The following METTL25B variants were observed in gnomAD, a reference collection of about 807,000 sequenced individuals.
METTL25B encodes the protein methyltransferase-like protein 25B.
Under a neutral mutation model 48.4 loss-of-function variants are expected in METTL25B, and 38 were observed. The ratio of observed to expected loss-of-function variants is 0.78; its 90% CI spans 0.61 to 1.03. The LOEUF (loss-of-function observed/expected upper bound fraction) is 1.03, where lower values mean the gene tolerates loss of function less well. METTL25B is among the 50% of genes least tolerant of loss of function. The pLI is 0.00. For synonymous variants in METTL25B, 230 were observed against 254.5 expected (o/e 0.90, Z 0.92); for missense variants, 537 against 603.7 (o/e 0.89, Z 1.16).
At chr1:156,729,803 G>A (rs1012100388) in intron 1 of METTL25B, among the ~76,000 whole-genome samples, 1 of 152,132 alleles carries the variant, frequency 6.6e-6, no homozygotes, top group Admixed American at 6.5e-5. Context: ...GGTTTCCTCA[G>A]CTATACAATG....
rs540443756 is a variant in METTL25B at position 156,735,831 on chromosome 1, T to C, written c.1228T>C (p.Phe410Leu). ...CCAGGAGAACCGTGTGGTGGCCTTC[T>C]TCAGCCTGGCTCTACTGCTTGCCCC... ...VAQENRVVAF[F>L]SLALLLAPLV... is the part of the protein sequence containing the mutation. Residue 410 changes from phenylalanine (F) to leucine (L), a missense_variant, in exon 7 of 8, where the codon TTC (phenylalanine) becomes CTC (leucine). By Grantham distance (22) the Phe-to-Leu change is conservative. Coordinates refer to ENST00000368216, the MANE Select transcript of METTL25B (RefSeq NM_015997.4). The C allele has an allele frequency of 3.3e-5, 53 of 1,613,142 alleles. No individual in the cohort carries two copies. In the Middle Eastern group the frequency reaches 6.6e-4, roughly 20 times the overall value.
At chr1:156,729,236 G>A in intron 1 of METTL25B, 21 bp downstream of exon 1, 1 of 1,485,060 alleles carries the variant, frequency 6.7e-7, no homozygotes, top group Non-Finnish European at 9.4e-7. Flanking sequence ...AGGGGCGTGG[G>A]TGGGATGTCT....
In METTL25B at chr1:156,735,727, A is replaced by C. The variant is rs754852845; in HGVS notation, c.1124A>C (p.Tyr375Ser). The C allele has an allele frequency of 3.7e-6, 6 of 1,605,864 alleles. No individual in the cohort carries two copies. The East Asian group carries it at 9.0e-5, about 24-fold the overall frequency. ...PRVHELKIEEYVQRGLQRVGL... is the reference protein window; with the variant it reads ...PRVHELKIEESVQRGLQRVGL... The stretch of plus-strand genomic sequence containing the variant: ...GCTGAATGTGACTGATCCCACAGAT[A>C]TGTGCAGCGGGGGCTACAGCGAGTG... The change falls in exon 7 of 8, where the codon TAT becomes TCT. Residue 375 changes from tyrosine (Y) to serine (S), a missense_variant and splice_region_variant. Coordinates refer to ENST00000368216, the MANE Select transcript of METTL25B (RefSeq NM_015997.4).
intron 3 of METTL25B, 95 bp from the exon 4 acceptor site, chr1:156,732,890 C>A: frequency 2.8e-6 from 3 of 1,075,050 alleles, no homozygotes; most frequent in South Asian, 1.4e-5. Flanking sequence ...GTCCATCTTT[C>A]TCTGTCATCT....
rs570075674 is a variant in METTL25B, at chr1:156,731,177, G to A, written c.112-814G>A. On this transcript the variant is annotated intron_variant, in intron 1 of 7. Transcript: ENST00000368216. Reference sequence around the variant, plus strand: ...TTTGCTCTGCTGCCCAGGCTGGAGTGCAGTGGCACAATCTAGGCTCACTGC... The same window carrying A: ...TTTGCTCTGCTGCCCAGGCTGGAGTACAGTGGCACAATCTAGGCTCACTGC... Among the ~76,000 whole-genome samples, 6 of 152,332 alleles carry A rather than the reference G, an allele frequency of 3.9e-5. No homozygotes were observed. In the South Asian group the frequency reaches 1.0e-3, roughly 26 times the overall value.
At position 156,734,325 on chromosome 1, in the gene METTL25B, C is replaced by A. The variant is rs773969284; in HGVS notation, c.953C>A (p.Ala318Asp). Reference sequence around the variant, plus strand: ...CTGCCCTACCGGCTTCGGGAGGGGGCCTGCCATGCCCTGGAGGAATATGCT... The same window carrying A: ...CTGCCCTACCGGCTTCGGGAGGGGGACTGCCATGCCCTGGAGGAATATGCT... ...YELPYRLREG[A>D]CHALEEYAER... Residue 318 changes from alanine (A) to aspartate (D), a missense_variant, in exon 6 of 8, where the codon GCC (alanine) becomes GAC (aspartate). Transcript: ENST00000368216. 6.2e-7 allele frequency: 1 copy of A among 1,614,022 alleles called. No homozygotes were observed. Among genetic ancestry groups the A allele is most frequent in the South Asian group, 1.1e-5 (1 of 91,074 alleles).
chr1:156,734,294 T>C lies in METTL25B; in HGVS notation c.922T>C (p.Tyr308His), dbSNP rs761953821. The C allele has an allele frequency of 3.6e-5, 58 of 1,614,026 alleles. No individual in the cohort carries two copies. The East Asian group carries it at 1.2e-3, about 32-fold the overall frequency. ...LSQWVAGLPG[Y>H]ELPYRLREGA... ...TCAGTGGGTGGCTGGGCTGCCTGGC[T>C]ATGAACTGCCCTACCGGCTTCGGGA... The change falls in exon 6 of 8, where the codon TAT (tyrosine) becomes CAT (histidine). Residue 308 changes from tyrosine to histidine, a missense_variant. Tyr to His is a moderately conservative substitution (Grantham distance 83). Transcript: ENST00000368216.
chr1:156,732,458 C>G lies in METTL25B; in HGVS notation c.414C>G (p.Ile138Met), dbSNP rs758131612. 8.7e-6 allele frequency: 14 copies of G among 1,613,770 alleles called. No individual in the cohort carries two copies. Among genetic ancestry groups the G allele is most frequent in the Non-Finnish European group, 1.2e-5 (14 of 1,180,022 alleles). The change falls in exon 3 of 8, where the codon ATC becomes ATG. Residue 138 changes from isoleucine (I) to methionine (M), a missense_variant. Ile to Met is a conservative substitution (Grantham distance 10). Coordinates refer to ENST00000368216, the MANE Select transcript of METTL25B (RefSeq NM_015997.4). ...KHVRPKKQHE[I>M]RRLGELVKKL... ...TCAGGCCCAAGAAGCAGCATGAGATCCGGAGGCTGGGAGAGGTGAGGAGAT... is the reference window on the plus strand; with the variant it reads ...TCAGGCCCAAGAAGCAGCATGAGATGCGGAGGCTGGGAGAGGTGAGGAGAT...
intron 4 of METTL25B, 148 bp downstream of exon 4, chr1:156,733,195 G>A (rs1322350001): frequency 3.5e-5 from 37 of 1,050,986 alleles, no homozygotes; most frequent in Non-Finnish European, 4.7e-5. Flanking sequence ...TTTTAAGCCA[G>A]TCAGATTTAA....
At position 156,734,408 on chromosome 1, in the gene METTL25B, G is replaced by T; in HGVS notation, c.1036G>T (p.Glu346Ter). 6.2e-7 allele frequency: 1 copy of T among 1,612,986 alleles called. No homozygotes were observed. The highest frequency in any genetic ancestry group is 8.5e-7 in the Non-Finnish European group (1 of 1,179,542). ...AACTCACTGCTACCGTGCAGCACTG[G>T]AGACAGTCATCCGACGGGCCCGGCC... The part of the protein sequence containing the change: ...LRTHCYRAAL[E>*]TVIRRARPEL... The change falls in exon 6 of 8, where the codon GAG becomes TAG. Residue 346 changes from glutamate (E) to a stop codon, truncating the protein, a stop_gained. Coordinates refer to ENST00000368216, the MANE Select transcript of METTL25B (RefSeq NM_015997.4). LOFTEE classifies it high-confidence loss of function.
intron 1 of METTL25B, among the ~76,000 whole-genome samples, chr1:156,730,551 C>T (rs1649192455): frequency 6.6e-6 from 1 of 151,138 alleles, no homozygotes; most frequent in African/African-American, 2.4e-5. Flanking sequence ...CGGTGAAACC[C>T]CGTCTCTACT....
chr1:156,736,547 A>G, intron 7 of METTL25B, 85 bp from the exon 8 acceptor site: 2 of 1,529,548 alleles, frequency 1.3e-6, no homozygotes, highest in Non-Finnish European at 8.9e-7. Flanking sequence ...CCATGGGGAA[A>G]AGGGACTATG....
chr1:156,728,760 G>A lies in METTL25B; in HGVS notation c.-345G>A, dbSNP rs1160015560. The A allele has an allele frequency of 4.8e-6, 5 of 1,039,304 alleles. No homozygotes were observed. Among genetic ancestry groups the A allele is most frequent in the Non-Finnish European group, 5.8e-6 (5 of 862,540 alleles). The allele number at this position is 1,039,304 out of a possible 1,614,324, so 64.4% of individuals were successfully genotyped here. A position where few individuals can be genotyped will look rare whatever the true frequency, so the allele number is the denominator to read the frequency against. ...CCGGCTTCACTTCCGTAAGAGGAGA[G>A]GAGTGTACGGCAAGGGGCGGGAACT... On this transcript the variant is annotated 5_prime_UTR_variant, in exon 1 of 8. Transcript: ENST00000368216.
intron 2 of METTL25B, 57 bp from the exon 3 acceptor site, chr1:156,732,224 T>C: frequency 6.2e-7 from 1 of 1,608,632 alleles, no homozygotes; most frequent in Non-Finnish European, 8.5e-7. Context: ...GGTTGTAAAC[T>C]GCTGCACTCA....
In METTL25B at chr1:156,735,764, C is replaced by T; in HGVS notation, c.1161C>T (p.Pro387=). The T allele has an allele frequency of 6.2e-7, 1 of 1,611,538 alleles. No individual in the cohort carries two copies. Among genetic ancestry groups the T allele is most frequent in the Non-Finnish European group, 8.5e-7 (1 of 1,179,434 alleles). The change falls in exon 7 of 8, where the codon CCC becomes CCT. Residue 387 remains proline (P), a synonymous_variant. Transcript: ENST00000368216. ...QRGLQRVGLD[P]QLPLNLAALQ... ...GGCTACAGCGAGTGGGGCTAGATCCCCAGCTGCCACTGAATCTGGCTGCCC... is the reference window on the plus strand; with the variant it reads ...GGCTACAGCGAGTGGGGCTAGATCCTCAGCTGCCACTGAATCTGGCTGCCC...
intron 1 of METTL25B, among the ~76,000 whole-genome samples, chr1:156,730,187 T>TA (rs1649152742): frequency 6.6e-6 from 1 of 152,238 alleles, no homozygotes; most frequent in Admixed American, 6.5e-5. Context: ...GCTTCCTAGA[T>TA]ACTTTTATGA....
At chr1:156,733,679 C>T (rs919312918) in intron 5 of METTL25B, 159 bp downstream of exon 5, 2 of 762,290 alleles carry the variant, frequency 2.6e-6, no homozygotes, top group African/African-American at 3.5e-5. Flanking sequence ...TTCCCCAGTG[C>T]CTCCCTGTAT....
Position 156,735,896 on chromosome 1 carries a change from C to A in METTL25B, c.1293C>A (p.Tyr431Ter), listed in dbSNP as rs141879822. ...ETLILLDRLL[Y>*]LQEQGFHAEL... ...TTATTCTACTGGACCGGCTGCTGTACCTTCAGGAACAGGGTGAGGGTGGCC... is the reference window on the plus strand; with the variant it reads ...TTATTCTACTGGACCGGCTGCTGTAACTTCAGGAACAGGGTGAGGGTGGCC... The change falls in exon 7 of 8, where the codon TAC (tyrosine) becomes TAA (stop). Residue 431 changes from tyrosine to a stop codon, truncating the protein, a stop_gained. Transcript: ENST00000368216. LOFTEE classifies it high-confidence loss of function. The A allele has an allele frequency of 1.9e-6, 3 of 1,610,920 alleles. No homozygotes were observed. The highest frequency in any genetic ancestry group is 2.5e-6 in the Non-Finnish European group (3 of 1,178,282).
At position 156,728,921 on chromosome 1, in the gene METTL25B, G is replaced by T; in HGVS notation, c.-184G>T. 1 of 571,698 alleles carries T rather than the reference G, an allele frequency of 1.7e-6. No homozygotes were observed. The highest frequency in any genetic ancestry group is 2.9e-6 in the Non-Finnish European group (1 of 347,208). 35.4% of individuals were successfully genotyped at this position (571,698 alleles called of 1,614,324 possible). On this transcript the variant is annotated 5_prime_UTR_variant, in exon 1 of 8. Coordinates refer to ENST00000368216, the MANE Select transcript of METTL25B (RefSeq NM_015997.4). ...AACGTCGCGACCTGTGACGTCTGGG[G>T]GGCGCCTCAAATCTTCCACTCCAGC...
Sources: gnomAD v4.1 joint callset for allele counts (sites outside exome capture counted in the v4.1 genomes callset) on GRCh38, gnomAD v4.1.1 for gene constraint, MANE v1.5 for transcripts, NCBI Gene and HGNC (gene_info 2026-07-23, HGNC 2026-07-21) for gene names.